ACYP2: variants seen among roughly 807,000 people sequenced by gnomAD.
The protein encoded by ACYP2 is acylphosphatase 2, also known as acylphosphatase-2.
ACYP2 carries 12 observed loss-of-function variants against 11.2 expected under a neutral mutation model. That is an observed-to-expected ratio of 1.08 (90% CI 0.69 to 1.74). The LOEUF (loss-of-function observed/expected upper bound fraction) is 1.74. Ranked by LOEUF, ACYP2 falls within the 40% of genes most tolerant of loss-of-function variation. ACYP2 has a pLI of 0.00. For missense variants in ACYP2, 134 were observed against 101.9 expected, an observed-to-expected ratio of 1.31 and a Z score of -1.35; for synonymous variants, 43 against 32.2, an observed-to-expected ratio of 1.33 and a Z score of -1.13.
chr2:53,989,985 T>TCTTTTC (rs200397123), intron 2 of ACYP2, among the ~76,000 whole-genome samples: 5 of 135,202 alleles, frequency 3.7e-5, no homozygotes, highest in Admixed American at 7.2e-5. Flanking sequence ...TCTTTTCTTT[T>TCTTTTC]TTTTTTTTTT....
chr2:54,035,212 C>G (rs995929725), intron 2 of ACYP2, among the ~76,000 whole-genome samples: 2 of 151,182 alleles, frequency 1.3e-5, no homozygotes. Flanking sequence ...TTCACTTCTC[C>G]TACTTTTTAG....
At chr2:54,101,932 T>C (rs530099555) in intron 4 of ACYP2, among the ~76,000 whole-genome samples, 1 of 152,216 alleles carries the variant, frequency 6.6e-6, no homozygotes, top group Non-Finnish European at 1.5e-5. Flanking sequence ...ATTGACACTT[T>C]ATTAACTAAA....
At chr2:54,078,718 G>A (rs768430246) in intron 4 of ACYP2, among the ~76,000 whole-genome samples, 3 of 151,264 alleles carry the variant, frequency 2.0e-5, no homozygotes, top group Non-Finnish European at 2.9e-5. Flanking sequence ...TCCTGCCTCC[G>A]CCTCCAGAGT....
chr2:54,128,497 A>G (rs1680680022), intron 4 of ACYP2, among the ~76,000 whole-genome samples: 1 of 152,054 alleles, frequency 6.6e-6, no homozygotes. Flanking sequence ...GTCAGACTCC[A>G]TCTCTACAAA....
At chr2:54,023,263 C>A (rs1193948749) in intron 2 of ACYP2, among the ~76,000 whole-genome samples, 1 of 152,056 alleles carries the variant, frequency 6.6e-6, no homozygotes, top group African/African-American at 2.4e-5. Context: ...TGAATAATCA[C>A]CCAGAAGTGG....
At chr2:54,227,414 G>A (rs1349897923) in intron 6 of ACYP2, among the ~76,000 whole-genome samples, 1 of 152,084 alleles carries the variant, frequency 6.6e-6, no homozygotes, top group Non-Finnish European at 1.5e-5. Flanking sequence ...GTCAATGTGG[G>A]CAGATCACGA....
At chr2:54,099,603 C>T (rs1678782267) in intron 4 of ACYP2, among the ~76,000 whole-genome samples, 1 of 152,182 alleles carries the variant, frequency 6.6e-6, no homozygotes. Flanking sequence ...TGTCACGAAT[C>T]ACAGGATTTC....
intron 6 of ACYP2, among the ~76,000 whole-genome samples, chr2:54,167,859 A>G (rs1398242820): frequency 6.6e-6 from 1 of 152,152 alleles, no homozygotes; most frequent in African/African-American, 2.4e-5. Flanking sequence ...TCAGTCTGTG[A>G]TGGAATTGTT....
At chr2:54,302,307 G>A (rs1276306475) in intron 6 of ACYP2, among the ~76,000 whole-genome samples, 4 of 152,086 alleles carry the variant, frequency 2.6e-5, no homozygotes, top group Non-Finnish European at 5.9e-5. Context: ...TAAACACAAT[G>A]GCCAGTTCTC....
In ACYP2 at chr2:54,132,744, A is replaced by ATTT. The variant is rs35059715; in HGVS notation, c.278-2693_278-2691dup. On this transcript the variant is annotated intron_variant, in intron 4 of 6. Coordinates refer to ENST00000607452, the MANE Select transcript of ACYP2 (RefSeq NM_001320586.2). The stretch of plus-strand genomic sequence containing the variant: ...ACCTTTTATAGTGTACAATTGAATG[A>ATTT]TTTTTTTTTTTTTTTTTTGAGACTG... Among the ~76,000 whole-genome samples, 4 of 136,336 alleles carry ATTT rather than the reference A, an allele frequency of 2.9e-5. No homozygotes were observed. In the South Asian group the frequency reaches 9.5e-4, roughly 33 times the overall value. 89.4% of individuals were successfully genotyped at this position (136,336 alleles called of 152,430 possible). A position where few individuals can be genotyped will look rare whatever the true frequency, so the allele number is the denominator to read the frequency against.
intron 6 of ACYP2, among the ~76,000 whole-genome samples, chr2:54,172,252 GT>G (rs1683250581): frequency 1.3e-5 from 2 of 151,386 alleles, no homozygotes; most frequent in Non-Finnish European, 2.9e-5. Context: ...TCTAACCATG[GT>G]CATTAAAAAA....
chr2:54,238,809 ATTAT>A (rs1218689360), intron 6 of ACYP2, among the ~76,000 whole-genome samples: 1 of 151,972 alleles, frequency 6.6e-6, no homozygotes, highest in Non-Finnish European at 1.5e-5. Context: ...ATGAAAATTT[ATTAT>A]TTAAGCAAAA....
At chr2:54,143,548 C>T (rs1398083013) in intron 6 of ACYP2, among the ~76,000 whole-genome samples, 1 of 152,068 alleles carries the variant, frequency 6.6e-6, no homozygotes, top group Admixed American at 6.5e-5. Flanking sequence ...ATTCTTCTGC[C>T]TCAGCCTCCC....
chr2:53,992,018 C>T (rs115995046), intron 2 of ACYP2, among the ~76,000 whole-genome samples: 5,403 of 151,622 alleles, frequency 0.036, 134 homozygotes, highest in Non-Finnish European at 0.055. Flanking sequence ...GAGCTCTTGC[C>T]CCTCTTTCCC....
At chr2:54,234,996 A>C (rs186387469) in intron 6 of ACYP2, among the ~76,000 whole-genome samples, 1 of 152,232 alleles carries the variant, frequency 6.6e-6, no homozygotes. Flanking sequence ...ACAAGTTAGC[A>C]TAAGTTTATT....
At chr2:54,105,712 T>C (rs921564335) in intron 4 of ACYP2, among the ~76,000 whole-genome samples, 4 of 152,034 alleles carry the variant, frequency 2.6e-5, no homozygotes, top group African/African-American at 9.7e-5. Context: ...CGGGCTGGTC[T>C]CTAACTCCTG....
intron 6 of ACYP2, among the ~76,000 whole-genome samples, chr2:54,216,548 T>TA (rs1005261447): frequency 1.3e-5 from 2 of 152,044 alleles, no homozygotes; most frequent in African/African-American, 2.4e-5. Flanking sequence ...TTACATTTTT[T>TA]TTTTTTTGAG....
At chr2:54,240,405 C>T (rs767807627) in intron 6 of ACYP2, among the ~76,000 whole-genome samples, 11 of 152,144 alleles carry the variant, frequency 7.2e-5, no homozygotes, top group Non-Finnish European at 1.0e-4. Context: ...AGAAAATTCA[C>T]TTTTTCTAAA....
chr2:54,006,567 G>C (rs1166408295), intron 2 of ACYP2, among the ~76,000 whole-genome samples: 1 of 152,176 alleles, frequency 6.6e-6, no homozygotes, highest in African/African-American at 2.4e-5. Context: ...GAGATTACAA[G>C]TGTGAGCCGC....
Sources: gnomAD v4.1 joint callset for allele counts (sites outside exome capture counted in the v4.1 genomes callset) on GRCh38, gnomAD v4.1.1 for gene constraint, MANE v1.5 for transcripts, NCBI Gene and HGNC (gene_info 2026-07-23, HGNC 2026-07-21) for gene names.